The following EMSY variants were observed in gnomAD, a reference collection of about 807,000 sequenced individuals.
EMSY encodes EMSY transcriptional repressor, BRCA2 interacting, also known as BRCA2-interacting transcriptional repressor EMSY.
A neutral mutation model predicts 134.6 loss-of-function variants in EMSY; 26 were observed. That is an observed-to-expected ratio of 0.19 (90% CI 0.14 to 0.27). EMSY has a LOEUF of 0.27. Ranked by LOEUF, EMSY falls within the 10% of genes least tolerant of loss-of-function variation. The pLI is 1.00. For missense variants in EMSY, 1,305 were observed against 1,611.4 expected (o/e 0.81, Z 3.26); for synonymous variants, 579 against 577.8 (o/e 1.00, Z -0.03).
intron 17 of EMSY, among the ~76,000 whole-genome samples, chr11:76,541,593 C>T (rs578242698): frequency 2.0e-4 from 30 of 152,294 alleles, no homozygotes; most frequent in African/African-American, 6.7e-4. Context: ...TTCAAATTCA[C>T]TTGGCTGTTT....
intron 8 of EMSY, among the ~76,000 whole-genome samples, chr11:76,494,660 TTCC>T: frequency 3.1e-3 from 8 of 2,598 alleles, no homozygotes; most frequent in Admixed American, 9.9e-3. Context: ...CCTTCCTTCC[TTCC>T]TTCCTTCCTT....
chr11:76,478,005 C>T (rs150940728), intron 8 of EMSY, among the ~76,000 whole-genome samples: 2,173 of 152,266 alleles, frequency 0.014, 46 homozygotes, highest in African/African-American at 0.05. Context: ...CTTGACCCAT[C>T]TTCAACCTAA....
intron 8 of EMSY, among the ~76,000 whole-genome samples, chr11:76,494,926 G>C (rs569928143): frequency 6.6e-6 from 1 of 151,962 alleles, no homozygotes; most frequent in Non-Finnish European, 1.5e-5. Context: ...AGTAGAGATG[G>C]GGTTTCACTA....
chr11:76,503,300 CAAAAAAAA>C (rs61098325), intron 9 of EMSY, among the ~76,000 whole-genome samples: 1 of 70,796 alleles, frequency 1.4e-5, no homozygotes, highest in Non-Finnish European at 2.6e-5. Context: ...GGCGTGGTCT[CAAAAAAAA>C]AAAAAAAAAA....
At chr11:76,546,331 C>A in intron 20 of EMSY, 34 bp downstream of exon 21, 1 of 1,577,266 alleles carries the variant, frequency 6.3e-7, no homozygotes. Context: ...AAATCTTGTG[C>A]ATCTTGGGGG....
chr11:76,517,727 T>C (rs61894540), intron 11 of EMSY, among the ~76,000 whole-genome samples: 26 of 152,188 alleles, frequency 1.7e-4, no homozygotes, highest in Non-Finnish European at 3.4e-4. Context: ...TTATCCATCT[T>C]TGTATTGAAT....
intron 6 of EMSY, among the ~76,000 whole-genome samples, 192 bp from the exon 8 acceptor site, chr11:76,463,629 C>CAAAAAA (rs567081751): frequency 2.1e-5 from 2 of 94,850 alleles, no homozygotes; most frequent in Admixed American, 1.1e-4. Context: ...GACTCCGTCT[C>CAAAAAA]AAAAAAAAAA....
intron 2 of EMSY, among the ~76,000 whole-genome samples, chr11:76,448,116 C>T (rs983083378): frequency 2.0e-5 from 3 of 152,022 alleles, no homozygotes; most frequent in South Asian, 2.1e-4. Flanking sequence ...TAGTTTGTTA[C>T]GTGTGTTAAC....
intron 9 of EMSY, among the ~76,000 whole-genome samples, chr11:76,499,357 G>A (rs1010886722): frequency 2.5e-4 from 33 of 134,166 alleles, no homozygotes; most frequent in East Asian, 2.3e-4. Flanking sequence ...GCGCTATCTC[G>A]GCTCACTGCA....
chr11:76,546,164 C>T lies in EMSY; in HGVS notation c.3641C>T (p.Pro1214Leu), dbSNP rs139354506. ...AAATGTAGAGAGTCCTGTTCGAGTC[C>T]ATCCACTGTTGGCTCTTCCCTAACG... is the stretch of plus-strand genomic sequence containing the variant. Residue 1214 changes from proline (P) to leucine (L), a missense_variant, in exon 20 of 21, where the codon CCA (proline) becomes CTA (leucine). Transcript: ENST00000334736. 3.7e-5 allele frequency: 60 copies of T among 1,614,064 alleles called. No individual in the cohort carries two copies. The highest frequency in any genetic ancestry group is 3.4e-6 in the Non-Finnish European group (4 of 1,180,046).
At chr11:76,456,383 T>A (rs1947873592) in intron 4 of EMSY, among the ~76,000 whole-genome samples, 1 of 152,206 alleles carries the variant, frequency 6.6e-6, no homozygotes, top group South Asian at 2.1e-4. Flanking sequence ...TATGTTCATG[T>A]GCTTCAAATT....
intron 2 of EMSY, among the ~76,000 whole-genome samples, chr11:76,449,154 G>A (rs6592637): frequency 0.98 from 149,737 of 152,338 alleles, 73,619 homozygotes; most frequent in African/African-American, 1. Flanking sequence ...TTCTACTTTT[G>A]TATTAACACT....
Position 76,497,042 on chromosome 11 carries a change from C to G in EMSY, c.1363+573C>G, listed in dbSNP as rs552414159. The G allele has an allele frequency of 2.6e-4, 42 of 158,818 alleles. 1 individual carries two copies. In the South Asian group the frequency reaches 4.1e-3, roughly 16 times the overall value. The allele number at this position is 158,818 out of a possible 1,614,324, so 9.8% of individuals were successfully genotyped here. A position where few individuals can be genotyped will look rare whatever the true frequency, so the allele number is the denominator to read the frequency against. On this transcript the variant is annotated intron_variant, in intron 9 of 20. Coordinates refer to ENST00000334736, the Ensembl canonical transcript of EMSY. ...CAGCTGTAGGCTTTTTATAGATGCT[C>G]TTTATCAGGTAGACGGAGTGCACTT...
At chr11:76,452,216 A>G (rs988967656) in intron 3 of EMSY, among the ~76,000 whole-genome samples, 6 of 152,220 alleles carry the variant, frequency 3.9e-5, no homozygotes, top group Non-Finnish European at 8.8e-5. Context: ...AAGGCAGTTT[A>G]TCTTACTTTT....
At chr11:76,537,883 A>G (rs1195014050) in exon 16 of EMSY, 1 of 1,613,514 alleles carries the variant, frequency 6.2e-7, no homozygotes, top group Non-Finnish European at 8.5e-7. Context: ...AGGAAAAGAG[A>G]CATTCTCCTG....
At chr11:76,476,704 G>A (rs1948781792) in intron 8 of EMSY, among the ~76,000 whole-genome samples, 1 of 152,032 alleles carries the variant, frequency 6.6e-6, no homozygotes, top group African/African-American at 2.4e-5. Context: ...TAGTGTCCTT[G>A]TTTTGTGGTA....
intron 9 of EMSY, among the ~76,000 whole-genome samples, chr11:76,504,065 C>T (rs1045126434): frequency 6.6e-6 from 1 of 151,622 alleles, no homozygotes; most frequent in Non-Finnish European, 1.5e-5. Flanking sequence ...GGATTACAGG[C>T]GGGAGCCACT....
intron 14 of EMSY, among the ~76,000 whole-genome samples, chr11:76,530,966 G>A (rs1951020331): frequency 6.6e-6 from 1 of 152,032 alleles, no homozygotes; most frequent in Admixed American, 6.6e-5. Context: ...CAGAACAGTT[G>A]CAAGAATAGT....
chr11:76,514,455 G>A (rs1590944700), intron 10 of EMSY, among the ~76,000 whole-genome samples: 1 of 152,072 alleles, frequency 6.6e-6, no homozygotes, highest in South Asian at 2.1e-4. Flanking sequence ...TACAGACATT[G>A]CACTTCATAT....
Sources: allele counts gnomAD v4.1 joint callset (sites outside exome capture counted in the v4.1 genomes callset), GRCh38; gene constraint gnomAD v4.1.1; transcripts MANE v1.5; gene names NCBI Gene and HGNC (gene_info 2026-07-23, HGNC 2026-07-21).